NAV1: variants seen among roughly 807,000 people sequenced by gnomAD.
The protein encoded by NAV1 is neuron navigator 1, also known as pore membrane and/or filament interacting like protein 3.
A neutral mutation model predicts 175.2 loss-of-function variants in NAV1; 18 were observed. The ratio of observed to expected loss-of-function variants is 0.10; its 90% CI spans 0.07 to 0.15. The LOEUF is 0.15. NAV1 is among the 10% of genes least tolerant of loss of function. The probability of loss-of-function intolerance (pLI) is 1.00; values close to 1 mark genes in which losing one functional copy is unlikely to be tolerated. For synonymous variants in NAV1, 897 were observed against 978.7 expected, an observed-to-expected ratio of 0.92 and a Z score of 1.56; for missense variants, 1,731 against 2,436.6, an observed-to-expected ratio of 0.71 and a Z score of 6.10.
At chr1:201,749,673 T>C (rs1348788857) in intron 3 of NAV1, among the ~76,000 whole-genome samples, 2 of 152,166 alleles carry the variant, frequency 1.3e-5, no homozygotes, top group African/African-American at 2.4e-5. Context: ...ATAAAGACTA[T>C]ATTGGAAGTT....
chr1:201,686,940 A>G (rs1212782178), intron 1 of NAV1, among the ~76,000 whole-genome samples: 1 of 152,182 alleles, frequency 6.6e-6, no homozygotes, highest in Non-Finnish European at 1.5e-5. Context: ...CTCAATTCAG[A>G]AGCTCCTTCC....
intron 29 of NAV1, 150 bp from the exon 34 acceptor site, chr1:201,819,687 G>T: frequency 1.6e-6 from 1 of 645,154 alleles, no homozygotes; most frequent in Non-Finnish European, 2.7e-6. Context: ...GTCTCTCTTT[G>T]TTTTCAAAGC....
intron 3 of NAV1, among the ~76,000 whole-genome samples, chr1:201,719,941 T>C (rs1316060469): frequency 6.6e-6 from 1 of 152,190 alleles, no homozygotes; most frequent in Non-Finnish European, 1.5e-5. Context: ...GCAGAGAACT[T>C]GGAGGGATCT....
intron 2 of NAV1, among the ~76,000 whole-genome samples, chr1:201,642,551 T>TTCTTCCTTCCTTCCTTCC (rs1668816957): frequency 9.8e-6 from 1 of 102,328 alleles, no homozygotes; most frequent in African/African-American, 5.4e-5. Flanking sequence ...CTTTCTTTCT[T>TTCTTCCTTCCTTCCTTCC]TCTTTTTTCC....
chr1:201,814,964 G>C, intron 28 of NAV1, among the ~76,000 whole-genome samples: 1 of 150,916 alleles, frequency 6.6e-6, no homozygotes, highest in East Asian at 2.0e-4. Context: ...GCGTGAACCT[G>C]GGAGGTGGAG....
Position 201,680,285 on chromosome 1 carries a change from G to A in NAV1, c.757+30860G>A, listed in dbSNP as rs374063101. 1.5e-4 allele frequency among the ~76,000 whole-genome samples: 23 copies of A among 152,182 alleles called. No individual in the cohort carries two copies. In the East Asian group the frequency reaches 3.3e-3, roughly 22 times the overall value. On this transcript the variant is annotated intron_variant, in intron 1 of 29. Transcript: ENST00000367296. ...AGCACTTTGGGAGGCCGAGGTGGGC[G>A]GATCACCTGAGGTCAGGAGTTCGAG...
At chr1:201,572,687 C>T (rs1666581470) in intron 1 of NAV1, among the ~76,000 whole-genome samples, 1 of 151,992 alleles carries the variant, frequency 6.6e-6, no homozygotes, top group Non-Finnish European at 1.5e-5. Flanking sequence ...TTTCTTTTAG[C>T]CTTTATCACC....
At chr1:201,604,724 GAGAA>G (rs371637628) in intron 2 of NAV1, among the ~76,000 whole-genome samples, 2,759 of 144,168 alleles carry the variant, frequency 0.019, 33 homozygotes, top group Non-Finnish European at 0.027. Flanking sequence ...AGGAAAGAAA[GAGAA>G]AGAAAGAAAG....
At chr1:201,621,695 TAAAG>T (rs377554725), upstream of NAV1, among the ~76,000 whole-genome samples, 99 of 152,354 alleles carry the variant, frequency 6.5e-4, 1 homozygote, top group East Asian at 0.013. Flanking sequence ...TTTGCCCATA[TAAAG>T]ATTTTAATTT....
chr1:201,809,875 A>T, intron 22 of NAV1, 71 bp from the exon 27 acceptor site: 3 of 1,390,384 alleles, frequency 2.2e-6, no homozygotes, highest in Non-Finnish European at 3.0e-6. Context: ...CCTCTGATAG[A>T]CATTCTTTGT....
intron 1 of NAV1, among the ~76,000 whole-genome samples, chr1:201,572,815 T>G (rs935274141): frequency 1.3e-5 from 2 of 152,204 alleles, no homozygotes; most frequent in Non-Finnish European, 2.9e-5. Context: ...CAACAGAGAT[T>G]AATCCTCATT....
chr1:201,683,167 GT>G (rs1316671696), intron 1 of NAV1, among the ~76,000 whole-genome samples: 1 of 152,188 alleles, frequency 6.6e-6, no homozygotes, highest in Non-Finnish European at 1.5e-5. Flanking sequence ...GACCTTGACA[GT>G]TTTGAAGAGT....
upstream of NAV1, among the ~76,000 whole-genome samples, chr1:201,645,222 TA>T (rs1372132635): frequency 2.6e-5 from 4 of 151,618 alleles, no homozygotes; most frequent in African/African-American, 9.7e-5. Context: ...TATGCAGCCA[TA>T]AAAAATGATG....
intron 2 of NAV1, among the ~76,000 whole-genome samples, chr1:201,595,317 G>A (rs1376905643): frequency 6.6e-6 from 1 of 152,266 alleles, no homozygotes; most frequent in Non-Finnish European, 1.5e-5. Context: ...CCTGACTCAT[G>A]CTTAGAACTG....
At chr1:201,617,768 T>C (rs972917951) in intron 2 of NAV1, among the ~76,000 whole-genome samples, 1 of 152,194 alleles carries the variant, frequency 6.6e-6, no homozygotes, top group African/African-American at 2.4e-5. Context: ...AGACACATTT[T>C]TGTCTAACAC....
intron 13 of NAV1, 153 bp downstream of exon 17, chr1:201,790,919 G>A: frequency 2.9e-6 from 2 of 684,632 alleles, no homozygotes; most frequent in East Asian, 2.7e-5. Flanking sequence ...TAGAAGACGA[G>A]GGGATTGTTC....
chr1:201,740,379 A>T lies in NAV1; in HGVS notation c.1226+21624A>T, dbSNP rs1247767305. ...AAGGAAAGGAGCTTAGGCGCCCAGG[A>T]GACCTGGACGGAGCTGAGACAATAG... On this transcript the variant is annotated intron_variant, in intron 3 of 29. Transcript: ENST00000367296. This position sits in a 1 kb window ranked among gnomAD's most constrained non-coding sequence, Gnocchi z 4.7. Among the ~76,000 whole-genome samples the T allele has an allele frequency of 8.5e-5, 13 of 152,206 alleles. No homozygotes were observed. Among genetic ancestry groups the T allele is most frequent in the Non-Finnish European group, 1.8e-4 (12 of 68,036 alleles).
intron 28 of NAV1, chr1:201,816,880 G>C (rs1679070144): frequency 3.6e-6 from 2 of 560,054 alleles, no homozygotes; most frequent in Non-Finnish European, 6.3e-6. Context: ...CACCACGTTG[G>C]CCAGGCTGGT....
At position 201,674,919 on chromosome 1, in the gene NAV1, A is replaced by G. The variant is rs552458627; in HGVS notation, c.757+25494A>G. On this transcript the variant is annotated intron_variant, in intron 1 of 29. Transcript: ENST00000367296. ...GCTGGGTGTGGTGGCGCGCACCTGT[A>G]ATCCCACCTACTCTGGAGACTGAGG... Among the ~76,000 whole-genome samples, 6 of 152,130 alleles carry G rather than the reference A, an allele frequency of 3.9e-5. No homozygotes were observed. The South Asian group carries it at 1.2e-3, about 32-fold the overall frequency.
Sources: allele counts gnomAD v4.1 joint callset (sites outside exome capture counted in the v4.1 genomes callset), GRCh38; gene constraint gnomAD v4.1.1; non-coding constraint Gnocchi (gnomAD v3.1); transcripts MANE v1.5; gene names NCBI Gene and HGNC (gene_info 2026-07-23, HGNC 2026-07-21).